Variants in NCKAP5 observed in about 807,000 individuals in gnomAD.
NCKAP5 encodes NCK associated protein 5, also known as nck-associated protein 5.
A neutral mutation model predicts 167.0 loss-of-function variants in NCKAP5; 92 were observed. That is an observed-to-expected ratio of 0.55 (90% CI 0.47 to 0.66). The LOEUF is 0.66. Among genes scored for constraint, NCKAP5 ranks in the 30% least tolerant of loss-of-function variants. The probability of loss-of-function intolerance (pLI) is 0.00; values close to 1 mark genes in which losing one functional copy is unlikely to be tolerated. For synonymous variants in NCKAP5, 891 were observed against 877.4 expected, an observed-to-expected ratio of 1.02 and a Z score of -0.27; for missense variants, 2,378 against 2,315.0, an observed-to-expected ratio of 1.03 and a Z score of -0.56.
intron 8 of NCKAP5, among the ~76,000 whole-genome samples, chr2:132,887,320 T>TATCTATCTATCA (rs1692310069): frequency 6.6e-5 from 1 of 15,262 alleles, no homozygotes; most frequent in Non-Finnish European, 2.0e-4. Flanking sequence ...ACTTTTATTT[T>TATCTATCTATCA]ATCTATCTAT....
chr2:132,855,163 A>G (rs1199585862), intron 11 of NCKAP5, among the ~76,000 whole-genome samples: 1 of 152,166 alleles, frequency 6.6e-6, no homozygotes, highest in African/African-American at 2.4e-5. Flanking sequence ...TGATTTTTCA[A>G]AGTGTCCCTT....
intron 3 of NCKAP5, among the ~76,000 whole-genome samples, chr2:133,359,882 T>C (rs1325472756): frequency 6.6e-6 from 1 of 152,132 alleles, no homozygotes. Flanking sequence ...TATTCGAAAA[T>C]GTTTATTCAT....
At chr2:132,902,993 T>G (rs1693743584) in intron 8 of NCKAP5, among the ~76,000 whole-genome samples, 2 of 152,178 alleles carry the variant, frequency 1.3e-5, no homozygotes, top group Non-Finnish European at 2.9e-5. Context: ...TTCCACAGCT[T>G]ATCGACACCC....
At chr2:132,963,630 A>G in intron 8 of NCKAP5, 90 bp downstream of exon 8, 2 of 1,324,398 alleles carry the variant, frequency 1.5e-6, no homozygotes, top group Admixed American at 2.1e-5. Context: ...TCAAAAGGGA[A>G]GATTTATACT....
chr2:133,223,556 T>C (rs2086749040), intron 4 of NCKAP5, among the ~76,000 whole-genome samples: 1 of 152,202 alleles, frequency 6.6e-6, no homozygotes, highest in Non-Finnish European at 1.5e-5. Flanking sequence ...TCATCCCCTC[T>C]GACAGGGTGA....
intron 19 of NCKAP5, among the ~76,000 whole-genome samples, chr2:132,705,024 A>G (rs190780042): frequency 2.0e-5 from 3 of 152,240 alleles, no homozygotes; most frequent in Middle Eastern, 3.4e-3. Flanking sequence ...TCAGTTGACA[A>G]TCTTGCTTTC....
intron 5 of NCKAP5, among the ~76,000 whole-genome samples, chr2:133,131,235 T>G (rs1241801086): frequency 6.6e-6 from 1 of 151,970 alleles, no homozygotes. Context: ...TACTTACACA[T>G]CCTCCTGCCT....
At chr2:133,247,863 G>A (rs1409727204) in intron 4 of NCKAP5, among the ~76,000 whole-genome samples, 2 of 152,224 alleles carry the variant, frequency 1.3e-5, no homozygotes, top group East Asian at 3.9e-4. Flanking sequence ...CATGTTACTT[G>A]TTCCAGAGTT....
At chr2:132,953,165 AGCCACTTG>A in intron 8 of NCKAP5, among the ~76,000 whole-genome samples, 1 of 152,332 alleles carries the variant, frequency 6.6e-6, no homozygotes, top group South Asian at 2.1e-4. Flanking sequence ...AAACAGGCCG[AGCCACTTG>A]GCCTCATCTC....
At chr2:132,788,813 CAA>C (rs1683810897) in intron 13 of NCKAP5, among the ~76,000 whole-genome samples, 1 of 152,028 alleles carries the variant, frequency 6.6e-6, no homozygotes, top group Admixed American at 6.6e-5. Flanking sequence ...TCATATGATA[CAA>C]GTTTATTATG....
At chr2:133,108,416 CT>C (rs1353567179) in intron 6 of NCKAP5, among the ~76,000 whole-genome samples, 3 of 152,198 alleles carry the variant, frequency 2.0e-5, no homozygotes, top group Admixed American at 6.5e-5. Context: ...CTCCTTAACT[CT>C]TTCCCTTCAT....
intron 4 of NCKAP5, among the ~76,000 whole-genome samples, chr2:133,287,397 T>A (rs912197551): frequency 2.0e-5 from 3 of 152,196 alleles, no homozygotes; most frequent in African/African-American, 7.2e-5. Flanking sequence ...TTGGCCAATA[T>A]AACTGAATAA....
chr2:133,276,897 T>C (rs537175678), intron 4 of NCKAP5, among the ~76,000 whole-genome samples: 1 of 152,262 alleles, frequency 6.6e-6, no homozygotes, highest in Admixed American at 6.5e-5. Context: ...GATCCTTTAG[T>C]ATATGACACC....
chr2:133,430,458 C>T (rs1187966267), intron 3 of NCKAP5, among the ~76,000 whole-genome samples: 5 of 152,058 alleles, frequency 3.3e-5, no homozygotes, highest in Admixed American at 6.6e-5. Context: ...AAGCCAATGA[C>T]GTGAAGAGTA....
At chr2:132,706,631 C>A (rs1235396045) in intron 19 of NCKAP5, among the ~76,000 whole-genome samples, 2 of 151,954 alleles carry the variant, frequency 1.3e-5, no homozygotes, top group Non-Finnish European at 2.9e-5. Flanking sequence ...TCTGTTTTGG[C>A]CCTCTTAGCT....
chr2:133,551,104 C>G (rs1185385970), intron 2 of NCKAP5, among the ~76,000 whole-genome samples: 1 of 151,386 alleles, frequency 6.6e-6, no homozygotes, highest in Non-Finnish European at 1.5e-5. Context: ...AGGATACAAA[C>G]AAATGGAAGA....
At chr2:133,061,420 C>A (rs937293961) in intron 6 of NCKAP5, among the ~76,000 whole-genome samples, 2 of 152,224 alleles carry the variant, frequency 1.3e-5, no homozygotes, top group African/African-American at 4.8e-5. Context: ...TTTTTTTCTG[C>A]ATTTCACCTG....
intron 5 of NCKAP5, among the ~76,000 whole-genome samples, chr2:133,207,222 C>G (rs1287234793): frequency 1.3e-5 from 2 of 152,030 alleles, no homozygotes; most frequent in East Asian, 1.9e-4. Context: ...TGTGGTGTCA[C>G]CCCTGGAGAC....
chr2:133,586,168 C>T, the NCKAP5 span, among the ~76,000 whole-genome samples: 1 of 152,146 alleles, frequency 6.6e-6, no homozygotes, highest in African/African-American at 2.4e-5. Context: ...TTAGTAGAAT[C>T]TCATTCAATA....
Sources: allele counts gnomAD v4.1 joint callset (sites outside exome capture counted in the v4.1 genomes callset), GRCh38; gene constraint gnomAD v4.1.1; transcripts MANE v1.5; gene names NCBI Gene and HGNC (gene_info 2026-07-23, HGNC 2026-07-21).